SLC10A7: variants seen among roughly 807,000 people sequenced by gnomAD.
SLC10A7 encodes the protein sodium/bile acid cotransporter 7.
In SLC10A7, 29 loss-of-function variants were observed where a neutral mutation model predicts 43.2. That is an observed-to-expected ratio of 0.67 (90% confidence interval 0.50 to 0.92). The LOEUF (loss-of-function observed/expected upper bound fraction) is 0.92, where lower values mean the gene tolerates loss of function less well. Among genes scored for constraint, SLC10A7 ranks in the 40% least tolerant of loss-of-function variants. The pLI is 0.00. For missense variants in SLC10A7, 295 were observed against 403.2 expected, an observed-to-expected ratio of 0.73 and a Z score of 2.30; for synonymous variants, 152 against 144.8, an observed-to-expected ratio of 1.05 and a Z score of -0.35.
intron 4 of SLC10A7, among the ~76,000 whole-genome samples, chr4:146,499,639 G>C (rs778537550): frequency 7.9e-5 from 12 of 152,014 alleles, no homozygotes; most frequent in Admixed American, 6.6e-5. Flanking sequence ...GACCAAACTG[G>C]ACTCTGCAAA....
At chr4:146,378,230 G>A (rs768271213) in intron 5 of SLC10A7, among the ~76,000 whole-genome samples, 7 of 152,188 alleles carry the variant, frequency 4.6e-5, no homozygotes, top group Non-Finnish European at 8.8e-5. Flanking sequence ...CCAAAAAAGG[G>A]CATGAATCTG....
At chr4:146,502,213 G>A (rs933552186) in intron 4 of SLC10A7, among the ~76,000 whole-genome samples, 17 of 152,090 alleles carry the variant, frequency 1.1e-4, no homozygotes, top group African/African-American at 1.9e-4. Flanking sequence ...TCATTACACC[G>A]TATTAGAATG....
chr4:146,451,335 C>CA (rs986659333), intron 4 of SLC10A7, among the ~76,000 whole-genome samples: 24 of 149,214 alleles, frequency 1.6e-4, no homozygotes, highest in African/African-American at 2.5e-4. Context: ...TCAAACTACC[C>CA]AAAAAAAAAC....
chr4:146,521,545 C>CCA, intron 1 of SLC10A7, 73 bp downstream of exon 1: 2 of 1,317,710 alleles, frequency 1.5e-6, no homozygotes, highest in Non-Finnish European at 2.2e-6. Context: ...GAGGGTTGCC[C>CCA]CACCTTTCCA....
chr4:146,354,434 A>T (rs1735404197), intron 5 of SLC10A7, among the ~76,000 whole-genome samples: 1 of 152,044 alleles, frequency 6.6e-6, no homozygotes, highest in African/African-American at 2.4e-5. Context: ...GGGTAGGAAG[A>T]ATCAATATCG....
At chr4:146,445,361 C>A (rs1215394893) in intron 4 of SLC10A7, among the ~76,000 whole-genome samples, 2 of 152,112 alleles carry the variant, frequency 1.3e-5, no homozygotes, top group Non-Finnish European at 2.9e-5. Context: ...CACAAGCAAA[C>A]GGGTGTGGGA....
At chr4:146,374,639 C>CACACAG (rs1737044505) in intron 5 of SLC10A7, among the ~76,000 whole-genome samples, 1 of 141,478 alleles carries the variant, frequency 7.1e-6, no homozygotes, top group African/African-American at 2.7e-5. Context: ...CACACACACA[C>CACACAG]ACACACACAC....
intron 6 of SLC10A7, among the ~76,000 whole-genome samples, chr4:146,322,343 T>A (rs1732769721): frequency 6.6e-6 from 1 of 151,400 alleles, no homozygotes; most frequent in South Asian, 2.1e-4. Flanking sequence ...TTACATTAGG[T>A]ATATCTCCTA....
At chr4:146,275,795 T>A (rs922127526) in intron 10 of SLC10A7, among the ~76,000 whole-genome samples, 8 of 151,768 alleles carry the variant, frequency 5.3e-5, no homozygotes, top group African/African-American at 1.9e-4. Flanking sequence ...TTTTTTTTTT[T>A]AAACTCAACA....
intron 4 of SLC10A7, among the ~76,000 whole-genome samples, chr4:146,460,123 T>C (rs1732407192): frequency 6.6e-6 from 1 of 151,838 alleles, no homozygotes; most frequent in Non-Finnish European, 1.5e-5. Flanking sequence ...TATTAATTAA[T>C]TAAAATCACA....
intron 4 of SLC10A7, among the ~76,000 whole-genome samples, chr4:146,459,317 G>A (rs1477189890): frequency 6.6e-6 from 1 of 151,618 alleles, no homozygotes; most frequent in Non-Finnish European, 1.5e-5. Context: ...AGGATTTTTA[G>A]TAGAAATTGA....
chr4:146,503,683 C>A (rs1178563437), intron 4 of SLC10A7, among the ~76,000 whole-genome samples, 166 bp downstream of exon 4: 1 of 152,184 alleles, frequency 6.6e-6, no homozygotes, highest in Non-Finnish European at 1.5e-5. Flanking sequence ...CCATCATAAT[C>A]AATTTTAGCA....
intron 10 of SLC10A7, among the ~76,000 whole-genome samples, chr4:146,259,719 G>T (rs142712933): frequency 3.9e-5 from 6 of 152,314 alleles, no homozygotes; most frequent in Non-Finnish European, 8.8e-5. Flanking sequence ...TATTTTATAA[G>T]CTGCTGCCTA....
intron 5 of SLC10A7, among the ~76,000 whole-genome samples, chr4:146,400,639 G>A (rs2149815850): frequency 6.6e-6 from 1 of 152,192 alleles, no homozygotes; most frequent in East Asian, 1.9e-4. Context: ...TTGAGCTCTT[G>A]CTAGGGAGCA....
At chr4:146,445,410 T>A (rs1730963419) in intron 4 of SLC10A7, among the ~76,000 whole-genome samples, 1 of 152,136 alleles carries the variant, frequency 6.6e-6, no homozygotes, top group Non-Finnish European at 1.5e-5. Flanking sequence ...CGGTCGCACC[T>A]CTCTGGCGGG....
rs3914633 is a variant in SLC10A7 at position 146,505,431 on chromosome 4, T to C, written c.321-1507A>G. On this transcript the variant is annotated intron_variant, in intron 3 of 11. Transcript: ENST00000335472. ...TATTATAGGTAAGGCCTCCAGTCAA[T>C]GGTTAGGCTAATAGTAGTTAAGTTT... Among the ~76,000 whole-genome samples, 1,310 of 152,324 alleles carry C rather than the reference T, an allele frequency of 8.6e-3. 18 individuals are homozygous for C. The highest frequency in any genetic ancestry group is 0.062 in the South Asian group (299 of 4,824).
At chr4:146,266,480 A>T (rs544718938) in intron 10 of SLC10A7, among the ~76,000 whole-genome samples, 6 of 152,164 alleles carry the variant, frequency 3.9e-5, no homozygotes, top group African/African-American at 1.2e-4. Flanking sequence ...CTTTCTCTTC[A>T]GAGACAAAAT....
chr4:146,325,384 T>C (rs1733030815), intron 6 of SLC10A7, among the ~76,000 whole-genome samples: 1 of 152,232 alleles, frequency 6.6e-6, no homozygotes, highest in Non-Finnish European at 1.5e-5. Flanking sequence ...ATTTCTTGTT[T>C]TCAGAACAGT....
chr4:146,432,932 G>T (rs886194427), intron 5 of SLC10A7, among the ~76,000 whole-genome samples: 1 of 151,382 alleles, frequency 6.6e-6, no homozygotes, highest in Non-Finnish European at 1.5e-5. Context: ...CAGCTACTCG[G>T]GAGGCTGAGG....
Sources: allele counts gnomAD v4.1 joint callset (sites outside exome capture counted in the v4.1 genomes callset), GRCh38; gene constraint gnomAD v4.1.1; transcripts MANE v1.5; gene names NCBI Gene and HGNC (gene_info 2026-07-23, HGNC 2026-07-21).